Variants in FMN2 observed in about 807,000 individuals in gnomAD.
FMN2 encodes the protein formin-2.
Under a neutral mutation model 142.3 loss-of-function variants are expected in FMN2, and 51 were observed. The ratio of observed to expected loss-of-function variants is 0.36; its 90% CI spans 0.29 to 0.45. The LOEUF (loss-of-function observed/expected upper bound fraction) is 0.45, where lower values mean the gene tolerates loss of function less well. Among genes scored for constraint, FMN2 ranks in the 20% least tolerant of loss-of-function variants. FMN2 has a pLI of 1.00. For missense variants in FMN2, 1,936 were observed against 2,122.8 expected (o/e 0.91, Z 1.73); for synonymous variants, 882 against 869.8 (o/e 1.01, Z -0.25).
chr1:240,145,165 C>G lies in FMN2; in HGVS notation c.1782+21820C>G. The G allele has an allele frequency of 2.7e-6, 4 of 1,472,330 alleles. No homozygotes were observed. The South Asian group carries it at 4.6e-5, about 17-fold the overall frequency. 91.2% of individuals were successfully genotyped at this position (1,472,330 alleles called of 1,614,324 possible). On this transcript the variant is annotated intron_variant, in intron 2 of 17. Transcript: ENST00000319653. ...GCATTTCCTCCAGCGCTGGTCGATA[C>G]AGGGATGTGTCCTTCTCCCCGAGTC...
chr1:240,451,066 T>C (rs950438664), intron 16 of FMN2, among the ~76,000 whole-genome samples: 3 of 152,158 alleles, frequency 2.0e-5, no homozygotes, highest in Non-Finnish European at 4.4e-5. Context: ...GAAATATTAA[T>C]TTTTAAAAGC....
At chr1:240,438,331 C>T (rs1675475368) in intron 16 of FMN2, 121 bp downstream of exon 16, 6 of 1,100,440 alleles carry the variant, frequency 5.5e-6, no homozygotes, top group African/African-American at 1.6e-5. Flanking sequence ...CCCGGGGTAG[C>T]AAGTTGAAGA....
At chr1:240,387,002 G>A (rs1192107964) in intron 14 of FMN2, among the ~76,000 whole-genome samples, 3 of 152,266 alleles carry the variant, frequency 2.0e-5, no homozygotes, top group African/African-American at 2.4e-5. Context: ...TGAGATTTGC[G>A]GGGTGGGCAA....
At position 240,474,786 on chromosome 1, in the gene FMN2, G is replaced by C. The variant is rs1676920720; in HGVS notation, c.*632G>C. On this transcript the variant is annotated 3_prime_UTR_variant, in exon 18 of 18. Transcript: ENST00000319653. ...CATTGTGATGGTTTTGTATGAGCTG[G>C]GTGTTTTTTTCCATTACTTTTAATG... The C allele has an allele frequency of 6.6e-6, 1 of 152,290 alleles. No homozygotes were observed. Among genetic ancestry groups the C allele is most frequent in the South Asian group, 2.1e-4 (1 of 4,822 alleles). The allele number at this position is 152,290 out of a possible 1,614,324, so 9.4% of individuals were successfully genotyped here.
At chr1:240,370,410 AACTT>A (rs1343115831) in intron 14 of FMN2, among the ~76,000 whole-genome samples, 1 of 152,058 alleles carries the variant, frequency 6.6e-6, no homozygotes, top group Non-Finnish European at 1.5e-5. Flanking sequence ...AATGCACCCA[AACTT>A]ACTTGCTCAT....
At position 240,208,679 on chromosome 1, in the gene FMN2, T is replaced by C. The variant is rs766925102; in HGVS notation, c.3867T>C (p.Pro1289=). ...GGAGTAGGAAGCAGCCCATAGAGCC[T>C]TGTCGACCAATGAAGCCTCTTTACT... The part of the protein sequence containing the change: ...DKGSRKQPIE[P]CRPMKPLYWT... The change falls in exon 5 of 18, where the codon CCT becomes CCC. Residue 1289 remains proline (P), a synonymous_variant. Coordinates refer to ENST00000319653, the MANE Select transcript of FMN2 (RefSeq NM_020066.5). 5.6e-6 allele frequency: 9 copies of C among 1,613,696 alleles called. No individual in the cohort carries two copies. The African/African-American group carries it at 1.1e-4, about 19-fold the overall frequency.
chr1:240,412,984 G>A (rs1225901763), intron 15 of FMN2, among the ~76,000 whole-genome samples: 1 of 151,410 alleles, frequency 6.6e-6, no homozygotes, highest in Non-Finnish European at 1.5e-5. Context: ...TTAGCCGGGT[G>A]TAGTGGTGGG....
chr1:240,337,203 CTTTTTTTTTTTTTTT>C lies in FMN2; in HGVS notation c.4765+2985_4765+2999del, dbSNP rs752506621. 8.0e-3 allele frequency among the ~76,000 whole-genome samples: 724 copies of C among 90,602 alleles called. 6 individuals are homozygous for C. The highest frequency in any genetic ancestry group is 0.026 in the African/African-American group (684 of 26,730). The allele number at this position is 90,602 out of a possible 152,430, so 59.4% of individuals were successfully genotyped here. ...TAGCCTATTAAAAATTATTCCTTTTCTTTTTTTTTTTTTTTTTTTTTTTTTAAGACAGTCTTGCTC... is the reference window on the plus strand; with the variant it reads ...TAGCCTATTAAAAATTATTCCTTTTCTTTTTTTTTTAAGACAGTCTTGCTC... On this transcript the variant is annotated intron_variant, in intron 13 of 17. Transcript: ENST00000319653.
At chr1:240,190,314 C>G (rs1292016607) in intron 4 of FMN2, among the ~76,000 whole-genome samples, 3 of 152,142 alleles carry the variant, frequency 2.0e-5, no homozygotes, top group African/African-American at 7.2e-5. Flanking sequence ...TGGAAGCAAT[C>G]GATTTTAAGC....
intron 14 of FMN2, among the ~76,000 whole-genome samples, chr1:240,383,914 T>G (rs1673314569): frequency 6.6e-6 from 1 of 151,666 alleles, no homozygotes; most frequent in Admixed American, 6.6e-5. Context: ...TCTTTATATA[T>G]GGAATACTAC....
rs968986463 is a variant in FMN2, at chr1:240,170,088, C to T, written c.1783-7833C>T. On this transcript the variant is annotated intron_variant, in intron 2 of 17. Transcript: ENST00000319653. ...TAAGCCAATCATGGAATGAGAATAG[C>T]AACAGTTCCTCTCAGACAGTAATAA... 2.0e-5 allele frequency: 12 copies of T among 596,400 alleles called. No individual in the cohort carries two copies. In the East Asian group the frequency reaches 3.3e-4, roughly 16 times the overall value. 36.9% of individuals were successfully genotyped at this position (596,400 alleles called of 1,614,324 possible). A position where few individuals can be genotyped will look rare whatever the true frequency, so the allele number is the denominator to read the frequency against.
intron 2 of FMN2, among the ~76,000 whole-genome samples, chr1:240,172,334 T>A (rs189866466): frequency 6.6e-6 from 1 of 152,188 alleles, no homozygotes; most frequent in Non-Finnish European, 1.5e-5. Flanking sequence ...CAACTACTTA[T>A]AGTCATGCAA....
At chr1:240,361,141 G>GTGTATATATATA (rs1482884783) in intron 14 of FMN2, among the ~76,000 whole-genome samples, 2 of 43,272 alleles carry the variant, frequency 4.6e-5, no homozygotes, top group Non-Finnish European at 7.4e-5. Context: ...AAATATATGT[G>GTGTATATATATA]TATATATATA....
chr1:240,388,142 C>T (rs1673465162), intron 14 of FMN2, among the ~76,000 whole-genome samples: 1 of 128,342 alleles, frequency 7.8e-6, no homozygotes. Context: ...CGGGTCACTG[C>T]ACTCCAGCCT....
intron 15 of FMN2, among the ~76,000 whole-genome samples, chr1:240,417,801 G>A (rs556773752): frequency 6.6e-5 from 10 of 152,094 alleles, no homozygotes; most frequent in East Asian, 1.9e-4. Flanking sequence ...TTTATTTATC[G>A]TAAATTTCAC....
chr1:240,167,662 G>A lies in FMN2; in HGVS notation c.1783-10259G>A, dbSNP rs184045313. On this transcript the variant is annotated intron_variant, in intron 2 of 17. Coordinates refer to ENST00000319653, the MANE Select transcript of FMN2 (RefSeq NM_020066.5). ...TTTAATGGCTATGTTATAGTGCTGTGTGAAGATTGTGGCAGAAATAGAAAT... is the reference window on the plus strand; with the variant it reads ...TTTAATGGCTATGTTATAGTGCTGTATGAAGATTGTGGCAGAAATAGAAAT... 2.0e-3 allele frequency among the ~76,000 whole-genome samples: 297 copies of A among 152,278 alleles called. 4 individuals carry two copies. The highest frequency in any genetic ancestry group is 1.2e-3 in the Non-Finnish European group (83 of 68,026).
intron 16 of FMN2, among the ~76,000 whole-genome samples, chr1:240,455,936 C>G (rs1439564539): frequency 6.6e-6 from 1 of 152,000 alleles, no homozygotes; most frequent in African/African-American, 2.4e-5. Context: ...GATCACGCCA[C>G]TGCACTCCAG....
chr1:240,465,173 C>T (rs1411363001), intron 16 of FMN2, among the ~76,000 whole-genome samples: 2 of 152,048 alleles, frequency 1.3e-5, no homozygotes, highest in African/African-American at 4.8e-5. Context: ...ATAAACTTCC[C>T]CAGATCACCT....
At chr1:240,439,276 A>AG (rs1474268809) in intron 16 of FMN2, among the ~76,000 whole-genome samples, 1 of 141,750 alleles carries the variant, frequency 7.1e-6, no homozygotes, top group Non-Finnish European at 1.5e-5. Context: ...GTCTCAAAAA[A>AG]AAAAAAGAAA....
Sources: gnomAD v4.1 joint callset for allele counts (sites outside exome capture counted in the v4.1 genomes callset) on GRCh38, gnomAD v4.1.1 for gene constraint, MANE v1.5 for transcripts, NCBI Gene and HGNC (gene_info 2026-07-23, HGNC 2026-07-21) for gene names.